The following THSD7B variants were observed in gnomAD, a reference collection of about 807,000 sequenced individuals.
THSD7B encodes the protein thrombospondin type-1 domain-containing protein 7B.
Under a neutral mutation model 213.6 loss-of-function variants are expected in THSD7B, and 138 were observed. The observed-to-expected ratio is 0.65, with a 90% CI of 0.56 to 0.74. The LOEUF is 0.74. Ranked by LOEUF, THSD7B falls within the 30% of genes least tolerant of loss-of-function variation. The pLI, the probability that THSD7B is intolerant of heterozygous loss-of-function variation, is 0.00. For missense variants in THSD7B, 1,931 were observed against 1,991.5 expected (o/e 0.97, Z 0.58); for synonymous variants, 742 against 687.0 (o/e 1.08, Z -1.25).
intron 16 of THSD7B, among the ~76,000 whole-genome samples, chr2:137,565,324 C>A (rs1681213317): frequency 6.6e-6 from 1 of 152,094 alleles, no homozygotes; most frequent in Non-Finnish European, 1.5e-5. Context: ...GCTCTGGAGG[C>A]TGGGAATTCC....
chr2:137,249,963 T>C (rs917509043), intron 10 of THSD7B, among the ~76,000 whole-genome samples: 2 of 152,234 alleles, frequency 1.3e-5, no homozygotes, highest in Non-Finnish European at 2.9e-5. Context: ...GCTGTTTTAT[T>C]ACTCCTGCTT....
At chr2:137,299,510 C>T (rs780893297) in intron 12 of THSD7B, among the ~76,000 whole-genome samples, 11 of 152,040 alleles carry the variant, frequency 7.2e-5, no homozygotes, top group Non-Finnish European at 1.5e-4. Context: ...TATGGTTTGG[C>T]TGTGCCCCCA....
intron 5 of THSD7B, among the ~76,000 whole-genome samples, chr2:137,132,017 G>C (rs1448503149): frequency 2.5e-4 from 38 of 150,340 alleles, no homozygotes; most frequent in African/African-American, 9.0e-4. Context: ...CATGAGCATG[G>C]AATGTTCTTC....
chr2:137,261,434 T>C (rs1013029829), intron 10 of THSD7B, among the ~76,000 whole-genome samples: 1 of 152,200 alleles, frequency 6.6e-6, no homozygotes, highest in Non-Finnish European at 1.5e-5. Context: ...GATATTTCAT[T>C]ACCTGATTAT....
At chr2:137,062,701 T>G (rs1031220786) in intron 3 of THSD7B, among the ~76,000 whole-genome samples, 5 of 151,860 alleles carry the variant, frequency 3.3e-5, no homozygotes, top group Non-Finnish European at 5.9e-5. Flanking sequence ...TTTAGATTTG[T>G]TAAGGTGTGT....
Position 137,129,445 on chromosome 2 carries a change from C to CT in THSD7B, c.1369+14164dup, listed in dbSNP as rs527696418. The stretch of plus-strand genomic sequence containing the variant: ...ATCCCCTTTGAACATTCTGTAATTA[C>CT]TTTTTTTTTTTTAAGACAGAGTCTC... On this transcript the variant is annotated intron_variant, in intron 5 of 27. Transcript: ENST00000409968. Among the ~76,000 whole-genome samples the CT allele has an allele frequency of 2.0e-3, 288 of 145,584 alleles. 3 individuals carry two copies. The highest frequency in any genetic ancestry group is 3.6e-3 in the Middle Eastern group (1 of 276).
intron 3 of THSD7B, among the ~76,000 whole-genome samples, chr2:137,070,958 G>C (rs1687474006): frequency 6.6e-6 from 1 of 152,014 alleles, no homozygotes; most frequent in Non-Finnish European, 1.5e-5. Flanking sequence ...AATCCAATCT[G>C]TCGTTGTTGG....
At chr2:136,924,371 T>C (rs1275646563) in intron 2 of THSD7B, among the ~76,000 whole-genome samples, 1 of 150,806 alleles carries the variant, frequency 6.6e-6, no homozygotes, top group Non-Finnish European at 1.5e-5. Context: ...TCTTACTTTT[T>C]GGTGTATGAT....
chr2:137,093,317 C>T (rs564659845), intron 3 of THSD7B, among the ~76,000 whole-genome samples: 38 of 152,272 alleles, frequency 2.5e-4, no homozygotes, highest in African/African-American at 8.7e-4. Flanking sequence ...CCTACGTTTC[C>T]CCAGTGGTGT....
At chr2:136,951,485 T>A (rs115739537) in intron 2 of THSD7B, among the ~76,000 whole-genome samples, 128 of 152,286 alleles carry the variant, frequency 8.4e-4, no homozygotes, top group African/African-American at 2.9e-3. Flanking sequence ...GGCCCATAGG[T>A]CTGGGGGAAA....
intron 17 of THSD7B, among the ~76,000 whole-genome samples, chr2:137,600,338 C>T (rs1682052796): frequency 6.6e-6 from 1 of 152,128 alleles, no homozygotes. Context: ...GAAGGTGGTG[C>T]CATATGATTA....
intron 25 of THSD7B, among the ~76,000 whole-genome samples, chr2:137,662,764 G>A (rs1683374333): frequency 6.6e-6 from 1 of 152,080 alleles, no homozygotes; most frequent in African/African-American, 2.4e-5. Flanking sequence ...CCATAAGAGA[G>A]GAAAAGATGG....
Position 137,349,131 on chromosome 2 carries a change from A to G in THSD7B, c.2501-56482A>G, listed in dbSNP as rs542446090. On this transcript the variant is annotated intron_variant, in intron 12 of 27. Coordinates refer to ENST00000409968, the MANE Select transcript of THSD7B (RefSeq NM_001316349.2). ...ATTTTGTCCTGTGGCAAAACTCTTTATTTGACTCTACAATCAAAGTGAAAA... is the reference window on the plus strand; with the variant it reads ...ATTTTGTCCTGTGGCAAAACTCTTTGTTTGACTCTACAATCAAAGTGAAAA... Among the ~76,000 whole-genome samples the G allele has an allele frequency of 5.7e-4, 87 of 151,694 alleles. 1 individual carries two copies. The highest frequency in any genetic ancestry group is 6.8e-3 in the Middle Eastern group (2 of 294).
At chr2:137,477,057 A>ATGT (rs1688210074) in intron 15 of THSD7B, among the ~76,000 whole-genome samples, 1 of 152,118 alleles carries the variant, frequency 6.6e-6, no homozygotes, top group Non-Finnish European at 1.5e-5. Flanking sequence ...TTTATATGCA[A>ATGT]TGTTTCTTTG....
intron 1 of THSD7B, among the ~76,000 whole-genome samples, chr2:136,785,206 T>C (rs1681818847): frequency 6.6e-6 from 1 of 152,170 alleles, no homozygotes; most frequent in African/African-American, 2.4e-5. Context: ...ACGTGCTCTG[T>C]TGTCCTTAAG....
chr2:137,618,572 C>A, intron 19 of THSD7B, 65 bp downstream of exon 19: 1 of 1,382,800 alleles, frequency 7.2e-7, no homozygotes, highest in South Asian at 1.2e-5. Flanking sequence ...GTCTGCAGTT[C>A]CATGATGTCC....
At chr2:137,099,094 A>T (rs112731656) in intron 4 of THSD7B, among the ~76,000 whole-genome samples, 2 of 152,048 alleles carry the variant, frequency 1.3e-5, no homozygotes, top group South Asian at 2.1e-4. Flanking sequence ...GTCATTAAAC[A>T]CTCACAGTGT....
intron 1 of THSD7B, among the ~76,000 whole-genome samples, chr2:136,855,828 G>T (rs982048996): frequency 3.3e-5 from 5 of 151,678 alleles, no homozygotes; most frequent in Non-Finnish European, 5.9e-5. Context: ...CAACTCCAAG[G>T]ATCACCATTT....
chr2:136,913,381 A>G (rs1055392691), intron 2 of THSD7B, among the ~76,000 whole-genome samples: 1 of 152,276 alleles, frequency 6.6e-6, no homozygotes, highest in African/African-American at 2.4e-5. Flanking sequence ...AATGGAAAAG[A>G]AAAACTCACT....
Sources: gnomAD v4.1 joint callset for allele counts (sites outside exome capture counted in the v4.1 genomes callset) on GRCh38, gnomAD v4.1.1 for gene constraint, MANE v1.5 for transcripts, NCBI Gene and HGNC (gene_info 2026-07-23, HGNC 2026-07-21) for gene names.